CD200: variants seen among roughly 807,000 people sequenced by gnomAD.
CD200 encodes CD200 molecule.
In CD200, 15 loss-of-function variants were observed where a neutral mutation model predicts 30.9. The ratio of observed to expected loss-of-function variants is 0.49; its 90% CI spans 0.32 to 0.75. The LOEUF is 0.75. Among genes scored for constraint, CD200 ranks in the 30% least tolerant of loss-of-function variants. The pLI, the probability that CD200 is intolerant of heterozygous loss-of-function variation, is 0.03. For missense variants in CD200, 262 were observed against 324.2 expected (o/e 0.81, Z 1.47); for synonymous variants, 134 against 126.2 (o/e 1.06, Z -0.41).
intron 1 of CD200, among the ~76,000 whole-genome samples, chr3:112,340,327 G>A (rs1446779061): frequency 6.6e-6 from 1 of 152,128 alleles, no homozygotes; most frequent in East Asian, 1.9e-4. Context: ...TTATAAGAAG[G>A]CCGAGGATTT....
intron 5 of CD200, among the ~76,000 whole-genome samples, chr3:112,350,374 G>C (rs1030123004): frequency 6.6e-6 from 1 of 152,066 alleles, no homozygotes; most frequent in African/African-American, 2.4e-5. Context: ...ATATATACCA[G>C]GGTCTGAATA....
chr3:112,341,149 A>G (rs1207975170), intron 2 of CD200, among the ~76,000 whole-genome samples, 166 bp downstream of exon 2: 1 of 152,120 alleles, frequency 6.6e-6, no homozygotes, highest in African/African-American at 2.4e-5. Flanking sequence ...TGCTTTCCAC[A>G]CTTTTGTTTT....
chr3:112,344,892 A>C, intron 2 of CD200, 70 bp from the exon 3 acceptor site: 1 of 1,163,948 alleles, frequency 8.6e-7, no homozygotes. Context: ...TATACATTTT[A>C]TTTATAATCA....
rs1304056789 is a variant in CD200 at position 112,345,080 on chromosome 3, C to T, written c.213C>T (p.Ser71=). Residue 71 remains serine (S), a synonymous_variant, in exon 3 of 6, where the codon AGC becomes AGT. Coordinates refer to ENST00000315711, the MANE Select transcript of CD200 (RefSeq NM_005944.7). ...IVTWQKKKAV[S]PENMVTFSEN... is the part of the protein sequence containing the mutation. The stretch of plus-strand genomic sequence containing the variant: ...CATGGCAGAAAAAGAAAGCTGTAAG[C>T]CCAGAAAACATGGTCACCTTCAGCG... The T allele has an allele frequency of 2.5e-6, 4 of 1,614,006 alleles. No homozygotes were observed. The highest frequency in any genetic ancestry group is 4.5e-5 in the East Asian group (2 of 44,880).
At chr3:112,336,762 C>A (rs2081127204) in intron 1 of CD200, among the ~76,000 whole-genome samples, 2 of 151,966 alleles carry the variant, frequency 1.3e-5, no homozygotes, top group African/African-American at 4.8e-5. Flanking sequence ...GCTAAAGCAA[C>A]AGGATTCAGT....
At chr3:112,332,908 A>AT, upstream of CD200, 1 of 430,958 alleles carries the variant, frequency 2.3e-6, no homozygotes, top group Non-Finnish European at 4.2e-6. Flanking sequence ...TAGCAGGAAA[A>AT]TGGAAAAAAA....
intron 5 of CD200, among the ~76,000 whole-genome samples, chr3:112,358,918 GGAAAGAAAGAGAGA>G (rs147620769): frequency 0.055 from 8,003 of 146,646 alleles, 548 homozygotes; most frequent in African/African-American, 0.15. Context: ...AAAAGTGAGA[GGAAAGAAAGAGAGA>G]GAAAGAAAGA....
intron 5 of CD200, among the ~76,000 whole-genome samples, chr3:112,359,465 G>A (rs551196040): frequency 1.8e-4 from 28 of 152,294 alleles, no homozygotes; most frequent in South Asian, 1.2e-3. Context: ...TGTAAGTGGG[G>A]ATGAAAGGAG....
chr3:112,352,234 A>C (rs946554267), intron 5 of CD200, among the ~76,000 whole-genome samples: 3 of 152,232 alleles, frequency 2.0e-5, no homozygotes, highest in Non-Finnish European at 4.4e-5. Flanking sequence ...CAGGTTATAC[A>C]AAAAGTTGGG....
rs1400555786 is a variant in CD200, at chr3:112,345,095, C to A, written c.228C>A (p.Val76=). ...AAGCTGTAAGCCCAGAAAACATGGTCACCTTCAGCGAGAACCATGGGGTGG... is the reference window on the plus strand; with the variant it reads ...AAGCTGTAAGCCCAGAAAACATGGTAACCTTCAGCGAGAACCATGGGGTGG... ...KKKAVSPENM[V]TFSENHGVVI... The change falls in exon 3 of 6, where the codon GTC becomes GTA. Residue 76 remains valine (V), a synonymous_variant. Coordinates refer to ENST00000315711, the MANE Select transcript of CD200 (RefSeq NM_005944.7). The A allele has an allele frequency of 6.2e-7, 1 of 1,613,964 alleles. No homozygotes were observed. Among genetic ancestry groups the A allele is most frequent in the Non-Finnish European group, 8.5e-7 (1 of 1,180,010 alleles).
intron 1 of CD200, chr3:112,334,047 T>C (rs2081058496): frequency 1.0e-6 from 1 of 985,312 alleles, no homozygotes; most frequent in Admixed American, 6.1e-5. Flanking sequence ...TAGCCAATGA[T>C]TTCACTGTCT....
chr3:112,336,683 A>T (rs2081124911), intron 1 of CD200, among the ~76,000 whole-genome samples: 2 of 2,888 alleles, frequency 6.9e-4, no homozygotes, highest in South Asian at 0.14. Context: ...GCCGATAAGA[A>T]CATACAAACA....
chr3:112,349,705 TC>T lies in CD200; in HGVS notation c.695-6del. ...CATTTTCCTTTTTCTTTCTTCAATA[TC>T]TATAGGCTATTGGTTTTCAGTTCCG... On this transcript the variant is annotated splice_polypyrimidine_tract_variant and splice_region_variant and intron_variant, in intron 4 of 5. Coordinates refer to ENST00000315711, the MANE Select transcript of CD200 (RefSeq NM_005944.7). The T allele has an allele frequency of 6.2e-7, 1 of 1,606,576 alleles. No homozygotes were observed. The highest frequency in any genetic ancestry group is 1.3e-5 in the African/African-American group (1 of 74,798).
chr3:112,339,519 TCCAGGCC>T (rs1226909730), intron 1 of CD200, among the ~76,000 whole-genome samples: 1 of 152,174 alleles, frequency 6.6e-6, no homozygotes, highest in African/African-American at 2.4e-5. Context: ...AGGCCCTGTG[TCCAGGCC>T]CCAGACATGG....
intron 5 of CD200, among the ~76,000 whole-genome samples, chr3:112,358,818 A>G (rs898635429): frequency 6.6e-6 from 1 of 152,172 alleles, no homozygotes; most frequent in Non-Finnish European, 1.5e-5. Flanking sequence ...TCTATTCCAT[A>G]TGTTTTAAAC....
intron 1 of CD200, 91 bp from the exon 2 acceptor site, chr3:112,340,811 C>A: frequency 2.3e-6 from 2 of 867,820 alleles, no homozygotes; most frequent in Non-Finnish European, 3.8e-6. Flanking sequence ...AACTTAGCTA[C>A]AACATTCCCT....
intron 5 of CD200, among the ~76,000 whole-genome samples, chr3:112,360,970 A>C (rs953516198): frequency 1.3e-5 from 2 of 152,146 alleles, no homozygotes; most frequent in South Asian, 4.1e-4. Context: ...TTTCTAAACC[A>C]TTATTTCCTA....
chr3:112,362,365 T>C lies in CD200; in HGVS notation c.*815T>C, dbSNP rs960407292. On this transcript the variant is annotated 3_prime_UTR_variant, in exon 6 of 6. Coordinates refer to ENST00000315711, the MANE Select transcript of CD200 (RefSeq NM_005944.7). ...AGCATGCCCTCCCTGTCCATTTGTC[T>C]TATAACATGACCCAGCCCTATTTTA... The C allele has an allele frequency of 6.6e-6, 1 of 152,312 alleles. No individual in the cohort carries two copies. The highest frequency in any genetic ancestry group is 2.4e-5 in the African/African-American group (1 of 41,454). The allele number at this position is 152,312 out of a possible 1,614,324, so 9.4% of individuals were successfully genotyped here.
rs79203724 is a variant in CD200 at position 112,345,269 on chromosome 3, G to A, written c.402G>A (p.Thr134=). 6.9e-4 allele frequency: 1,118 copies of A among 1,613,138 alleles called. 11 individuals carry two copies. The East Asian group carries it at 0.016, about 23-fold the overall frequency. The part of the protein sequence containing the change: ...NTFGFGKISG[T]ACLTVYVQPI... The stretch of plus-strand genomic sequence containing the variant: ...TTGGTTTTGGGAAGATCTCAGGAAC[G>A]GCCTGCCTCACCGTCTATGGTGAGA... The change falls in exon 3 of 6, where the codon ACG becomes ACA. Residue 134 remains threonine (T), a synonymous_variant. Coordinates refer to ENST00000315711, the MANE Select transcript of CD200 (RefSeq NM_005944.7).
Sources: allele counts gnomAD v4.1 joint callset (sites outside exome capture counted in the v4.1 genomes callset), GRCh38; gene constraint gnomAD v4.1.1; transcripts MANE v1.5; gene names NCBI Gene and HGNC (gene_info 2026-07-23, HGNC 2026-07-21).